WDPCP: variants seen among roughly 807,000 people sequenced by gnomAD.
The protein encoded by WDPCP is WD repeat containing planar cell polarity effector.
In WDPCP, 71 loss-of-function variants were observed where a neutral mutation model predicts 93.1. The ratio of observed to expected loss-of-function variants is 0.76; its 90% confidence interval spans 0.63 to 0.93. WDPCP has a LOEUF of 0.93. WDPCP is among the 40% of genes least tolerant of loss of function. The pLI is 0.00. For missense variants in WDPCP, 844 were observed against 887.4 expected, an observed-to-expected ratio of 0.95 and a Z score of 0.62; for synonymous variants, 315 against 315.0, an observed-to-expected ratio of 1.00 and a Z score of 0.00.
intron 1 of WDPCP, among the ~76,000 whole-genome samples, chr2:63,537,125 A>G (rs148087229): frequency 6.6e-6 from 1 of 152,272 alleles, no homozygotes; most frequent in Non-Finnish European, 1.5e-5. Context: ...CTTGGTTCCA[A>G]TCCCATTGAA....
At chr2:63,316,927 A>T (rs1686687599) in intron 12 of WDPCP, among the ~76,000 whole-genome samples, 1 of 152,194 alleles carries the variant, frequency 6.6e-6, no homozygotes, top group Admixed American at 6.5e-5. Flanking sequence ...CCAAATCAAG[A>T]ATGCAATTCC....
At chr2:63,498,410 A>C (rs1024538077) in intron 1 of WDPCP, among the ~76,000 whole-genome samples, 1 of 152,186 alleles carries the variant, frequency 6.6e-6, no homozygotes, top group Non-Finnish European at 1.5e-5. Flanking sequence ...GAATTCTAGA[A>C]AGCCCCTTTT....
intron 3 of WDPCP, among the ~76,000 whole-genome samples, chr2:63,632,817 T>C (rs186146763): frequency 5.1e-4 from 78 of 152,202 alleles, no homozygotes; most frequent in Non-Finnish European, 9.7e-4. Flanking sequence ...TTGAAAGAAA[T>C]AATGTCTGAA....
At chr2:63,510,269 G>C (rs1027893329) in intron 1 of WDPCP, among the ~76,000 whole-genome samples, 3 of 152,178 alleles carry the variant, frequency 2.0e-5, no homozygotes, top group Non-Finnish European at 4.4e-5. Flanking sequence ...ATGCAAGCCT[G>C]GTTCAACATA....
chr2:63,481,426 A>C (rs1700260424), intron 6 of WDPCP, among the ~76,000 whole-genome samples: 1 of 152,126 alleles, frequency 6.6e-6, no homozygotes, highest in East Asian at 1.9e-4. Context: ...ATTATACGAA[A>C]AAGATACTTG....
intron 1 of WDPCP, among the ~76,000 whole-genome samples, chr2:63,533,792 T>G (rs1704048004): frequency 6.6e-6 from 1 of 151,926 alleles, no homozygotes; most frequent in South Asian, 2.1e-4. Context: ...ACATCACATT[T>G]AAAAGAACTA....
intron 2 of WDPCP, among the ~76,000 whole-genome samples, chr2:63,756,429 G>T (rs1183910264): frequency 6.6e-6 from 1 of 152,072 alleles, no homozygotes; most frequent in Non-Finnish European, 1.5e-5. Context: ...CAAAATTCTT[G>T]TCAATGATTA....
intron 2 of WDPCP, among the ~76,000 whole-genome samples, chr2:63,727,785 G>C (rs529033716): frequency 6.6e-6 from 1 of 152,238 alleles, no homozygotes; most frequent in East Asian, 1.9e-4. Context: ...TTGGGAAGTT[G>C]TATATTTCTA....
chr2:63,806,749 A>G (rs1670773381), intron 2 of WDPCP, among the ~76,000 whole-genome samples: 1 of 152,106 alleles, frequency 6.6e-6, no homozygotes, highest in Non-Finnish European at 1.5e-5. Context: ...GAGTTCGGCG[A>G]TATTTCTCCC....
rs576824399 is a variant in WDPCP, at chr2:63,724,217, C to T, written n.309-73379G>A. Among the ~76,000 whole-genome samples the T allele has an allele frequency of 1.4e-3, 211 of 152,214 alleles. 1 individual carries two copies. In the South Asian group the frequency reaches 0.017, roughly 13 times the overall value. On this transcript the variant is annotated intron_variant and non_coding_transcript_variant, in intron 2 of 4. Transcript: ENST00000467687. ...CAATTCTTACCCATAAATATATCTA[C>T]CTTTAACAACAGAACAAAAATGGGC...
intron 1 of WDPCP, among the ~76,000 whole-genome samples, chr2:63,537,289 T>C (rs936678363): frequency 6.6e-6 from 1 of 152,242 alleles, no homozygotes; most frequent in African/African-American, 2.4e-5. Flanking sequence ...TCCCTACTGC[T>C]ACCATCATAG....
the WDPCP span, among the ~76,000 whole-genome samples, chr2:63,839,978 C>A: frequency 1.3e-5 from 2 of 152,110 alleles, no homozygotes; most frequent in South Asian, 2.1e-4. Flanking sequence ...CATATAAAGA[C>A]GTAGAACCAA....
At chr2:63,687,842 C>T (rs367920134) in intron 2 of WDPCP, among the ~76,000 whole-genome samples, 1 of 152,164 alleles carries the variant, frequency 6.6e-6, no homozygotes, top group East Asian at 1.9e-4. Flanking sequence ...TCGGTATATA[C>T]CTAAATGAAA....
At chr2:63,452,194 C>T (rs1238619579) in intron 6 of WDPCP, among the ~76,000 whole-genome samples, 1 of 152,176 alleles carries the variant, frequency 6.6e-6, no homozygotes, top group Non-Finnish European at 1.5e-5. Context: ...TAGAAAACCC[C>T]ATCGTCTCAG....
intron 3 of WDPCP, among the ~76,000 whole-genome samples, chr2:63,626,345 A>C (rs1709811002): frequency 1.3e-5 from 2 of 152,222 alleles, no homozygotes; most frequent in Non-Finnish European, 2.9e-5. Context: ...AATTGGATCT[A>C]ATTAAACCTA....
chr2:63,254,566 G>C (rs1426359961), intron 14 of WDPCP, among the ~76,000 whole-genome samples: 2 of 152,036 alleles, frequency 1.3e-5, no homozygotes, highest in Non-Finnish European at 1.5e-5. Flanking sequence ...GCAGTTCTAA[G>C]AAATAATGGA....
chr2:63,452,868 G>A (rs573284557), intron 6 of WDPCP, among the ~76,000 whole-genome samples: 1 of 152,302 alleles, frequency 6.6e-6, no homozygotes, highest in African/African-American at 2.4e-5. Flanking sequence ...AATAAATGGT[G>A]CTGGGAAAAC....
intron 1 of WDPCP, among the ~76,000 whole-genome samples, chr2:63,552,369 T>G (rs1705742694): frequency 6.6e-6 from 1 of 152,032 alleles, no homozygotes; most frequent in South Asian, 2.1e-4. Flanking sequence ...CAGAAAGCAG[T>G]AATAAAATGC....
intron 1 of WDPCP, among the ~76,000 whole-genome samples, chr2:63,582,223 A>G (rs1055250105): frequency 1.3e-5 from 2 of 152,154 alleles, no homozygotes; most frequent in African/African-American, 4.8e-5. Context: ...GATATTTTTT[A>G]AAAGACCCAA....
Sources: gnomAD v4.1 joint callset for allele counts (sites outside exome capture counted in the v4.1 genomes callset) on GRCh38, gnomAD v4.1.1 for gene constraint, MANE v1.5 for transcripts, NCBI Gene and HGNC (gene_info 2026-07-23, HGNC 2026-07-21) for gene names.